Variants in ASCC3 observed in about 807,000 individuals in gnomAD.
The protein encoded by ASCC3 is activating signal cointegrator 1 complex subunit 3.
Under a neutral mutation model 256.3 loss-of-function variants are expected in ASCC3, and 158 were observed. That is an observed-to-expected ratio of 0.62 (90% confidence interval 0.54 to 0.70). The LOEUF is 0.70. Among genes scored for constraint, ASCC3 ranks in the 30% least tolerant of loss-of-function variants. ASCC3 has a pLI of 0.00. For synonymous variants in ASCC3, 948 were observed against 883.4 expected, an observed-to-expected ratio of 1.07 and a Z score of -1.30; for missense variants, 2,259 against 2,626.0, an observed-to-expected ratio of 0.86 and a Z score of 3.05.
chr6:100,597,442 G>A (rs1010437195), intron 34 of ASCC3, among the ~76,000 whole-genome samples: 6 of 151,884 alleles, frequency 4.0e-5, no homozygotes, highest in Admixed American at 6.6e-5. Context: ...GATTTTTGAG[G>A]CTAGAAGTCA....
At chr6:100,587,110 C>T (rs1393227574) in intron 36 of ASCC3, among the ~76,000 whole-genome samples, 1 of 152,094 alleles carries the variant, frequency 6.6e-6, no homozygotes, top group Non-Finnish European at 1.5e-5. Context: ...GGAAACAGAT[C>T]TTTGAAACAC....
Position 100,608,090 on chromosome 6 carries a change from CTAT to C in ASCC3, c.4786-1005_4786-1003del, listed in dbSNP as rs1773022085. Among the ~76,000 whole-genome samples, 11 of 71,622 alleles carry C rather than the reference CTAT, an allele frequency of 1.5e-4. 1 individual carries two copies. The highest frequency in any genetic ancestry group is 5.2e-4 in the African/African-American group (10 of 19,312). The allele number at this position is 71,622 out of a possible 152,430, so 47.0% of individuals were successfully genotyped here. On this transcript the variant is annotated intron_variant, in intron 30 of 41. Coordinates refer to ENST00000369162, the MANE Select transcript of ASCC3 (RefSeq NM_006828.4). ...TATATACATATATATGTATATATAT[CTAT>C]ATACACATATATATGTATATATATC...
chr6:100,511,177 C>T (rs776632057), intron 40 of ASCC3, among the ~76,000 whole-genome samples: 22 of 152,238 alleles, frequency 1.4e-4, no homozygotes, highest in African/African-American at 4.6e-4. Flanking sequence ...CAGTGGGTCA[C>T]GCCTGTAATC....
chr6:100,799,279 A>C, intron 7 of ASCC3, 152 bp downstream of exon 7: 1 of 825,538 alleles, frequency 1.2e-6, no homozygotes, highest in Non-Finnish European at 1.9e-6. Context: ...GGAGCTTTAC[A>C]TACACCACAT....
At chr6:100,644,237 A>G (rs1057370213) in intron 22 of ASCC3, 108 bp from the exon 23 acceptor site, 2 of 768,078 alleles carry the variant, frequency 2.6e-6, no homozygotes, top group Non-Finnish European at 4.6e-6. Context: ...TTATATTACA[A>G]AGTTTACTCA....
In ASCC3 at chr6:100,575,927, C is replaced by T. The variant is rs1770835220; in HGVS notation, c.5550+13707G>A. On this transcript the variant is annotated intron_variant, in intron 36 of 41. Coordinates refer to ENST00000369162, the MANE Select transcript of ASCC3 (RefSeq NM_006828.4). ...ATCAGATCATGATCCTGGTTTGCCA[C>T]GATGACAGGCACTTTCTACTCTGGA... 2.0e-5 allele frequency among the ~76,000 whole-genome samples: 3 copies of T among 152,062 alleles called. No individual in the cohort carries two copies. The South Asian group carries it at 6.2e-4, about 31-fold the overall frequency.
chr6:100,844,023 G>T (rs1236432479), intron 4 of ASCC3, among the ~76,000 whole-genome samples: 1 of 150,862 alleles, frequency 6.6e-6, no homozygotes, highest in African/African-American at 2.4e-5. Flanking sequence ...AGAGAAATGG[G>T]GTTCACAAGA....
intron 36 of ASCC3, among the ~76,000 whole-genome samples, chr6:100,553,009 T>C (rs1769379680): frequency 6.6e-6 from 1 of 152,068 alleles, no homozygotes; most frequent in African/African-American, 2.4e-5. Context: ...CTCCTGTGAA[T>C]ACCATGGTCA....
chr6:100,866,486 G>A (rs1773484363), intron 2 of ASCC3, among the ~76,000 whole-genome samples: 1 of 152,144 alleles, frequency 6.6e-6, no homozygotes, highest in Non-Finnish European at 1.5e-5. Context: ...GAATCCGTAC[G>A]TTATTGGCTG....
At chr6:100,605,852 T>C (rs1772858441) in intron 32 of ASCC3, 152 bp from the exon 33 acceptor site, 1 of 775,170 alleles carries the variant, frequency 1.3e-6, no homozygotes. Flanking sequence ...TACTACTACG[T>C]TGAGTTCCCT....
rs1774306810 is a variant in ASCC3, at chr6:100,627,622, C to T, written c.4610G>A (p.Arg1537His). Residue 1537 changes from arginine (R) to histidine (H), a missense_variant, in exon 29 of 42, where the codon CGT (arginine) becomes CAT (histidine). Coordinates refer to ENST00000369162, the MANE Select transcript of ASCC3 (RefSeq NM_006828.4). ...QGFPGQHYCP[R>H]MASMNKPAFQ... Reference sequence around the variant, plus strand: ...TGCAGGCTTGTTCATACTAGCCATACGAGGACAGTAATGTTGACCTGGAAA... The same window carrying T: ...TGCAGGCTTGTTCATACTAGCCATATGAGGACAGTAATGTTGACCTGGAAA... The T allele has an allele frequency of 3.1e-6, 5 of 1,613,448 alleles. No homozygotes were observed. The highest frequency in any genetic ancestry group is 4.2e-6 in the Non-Finnish European group (5 of 1,179,670).
chr6:100,530,313 G>T, intron 37 of ASCC3: 2 of 1,436,610 alleles, frequency 1.4e-6, no homozygotes, highest in Admixed American at 3.4e-5. Flanking sequence ...GATAAAGTTT[G>T]TCAGTTTATG....
intron 36 of ASCC3, among the ~76,000 whole-genome samples, chr6:100,579,384 T>G (rs1354825129): frequency 6.6e-6 from 1 of 152,128 alleles, no homozygotes; most frequent in African/African-American, 2.4e-5. Context: ...TTGTTGCAAC[T>G]GCTTTCGGCA....
intron 30 of ASCC3, among the ~76,000 whole-genome samples, chr6:100,617,302 C>T (rs1486344276): frequency 2.6e-5 from 4 of 152,078 alleles, no homozygotes; most frequent in Non-Finnish European, 5.9e-5. Context: ...GCCACCGTGC[C>T]TGGCCCAGTA....
chr6:100,648,332 G>A (rs1020598943), intron 20 of ASCC3, among the ~76,000 whole-genome samples: 1 of 151,944 alleles, frequency 6.6e-6, no homozygotes, highest in Non-Finnish European at 1.5e-5. Flanking sequence ...TTTTTTAAAT[G>A]AACTTATACC....
intron 10 of ASCC3, among the ~76,000 whole-genome samples, chr6:100,753,918 T>A (rs1177090617): frequency 6.6e-6 from 1 of 152,174 alleles, no homozygotes; most frequent in Non-Finnish European, 1.5e-5. Context: ...TATTTAATAT[T>A]AATTACTAAT....
At chr6:100,596,978 G>T (rs1437106258) in intron 34 of ASCC3, among the ~76,000 whole-genome samples, 1 of 152,054 alleles carries the variant, frequency 6.6e-6, no homozygotes, top group African/African-American at 2.4e-5. Flanking sequence ...TTTCCTTGTT[G>T]TTCCTTGAAT....
chr6:100,605,722 G>A (rs200831483), intron 32 of ASCC3, 22 bp from the exon 33 acceptor site: 6 of 1,612,420 alleles, frequency 3.7e-6, no homozygotes, highest in Non-Finnish European at 5.1e-6. Context: ...AGAACAAAGA[G>A]ATATTCTACA....
chr6:100,791,758 C>G (rs1332863062), intron 8 of ASCC3, among the ~76,000 whole-genome samples: 1 of 151,944 alleles, frequency 6.6e-6, no homozygotes, highest in Non-Finnish European at 1.5e-5. Context: ...GCCTCTTTGA[C>G]AAAATCATGT....
Sources: allele counts gnomAD v4.1 joint callset (sites outside exome capture counted in the v4.1 genomes callset), GRCh38; gene constraint gnomAD v4.1.1; transcripts MANE v1.5; gene names NCBI Gene and HGNC (gene_info 2026-07-23, HGNC 2026-07-21).